The following ERICH6 variants were observed in gnomAD, a reference collection of about 807,000 sequenced individuals.
ERICH6 encodes glutamate-rich protein 6.
A neutral mutation model predicts 71.0 loss-of-function variants in ERICH6; 71 were observed. The ratio of observed to expected loss-of-function variants is 1.00; its 90% confidence interval spans 0.83 to 1.22. ERICH6 has a LOEUF of 1.22. ERICH6 is among the 50% of genes most tolerant of loss of function. The probability of loss-of-function intolerance (pLI) is 0.00; values close to 1 mark genes in which losing one functional copy is unlikely to be tolerated. For missense variants in ERICH6, 808 were observed against 797.2 expected (o/e 1.01, Z -0.16); for synonymous variants, 262 against 278.4 (o/e 0.94, Z 0.59).
chr3:150,693,628 T>A (rs1364051788), intron 3 of ERICH6, among the ~76,000 whole-genome samples: 2 of 152,188 alleles, frequency 1.3e-5, no homozygotes, highest in African/African-American at 4.8e-5. Flanking sequence ...ATAATTACTT[T>A]TTTTTTACTG....
At chr3:150,688,963 G>A (rs1239784673) in intron 3 of ERICH6, among the ~76,000 whole-genome samples, 4 of 152,186 alleles carry the variant, frequency 2.6e-5, no homozygotes, top group Non-Finnish European at 5.9e-5. Context: ...TAAATTAACC[G>A]AGGCCTGTCT....
chr3:150,684,396 C>T (rs74939298), intron 6 of ERICH6, among the ~76,000 whole-genome samples: 303 of 152,254 alleles, frequency 2.0e-3, no homozygotes, highest in Non-Finnish European at 3.4e-3. Context: ...TACAAAATAG[C>T]AATGAACACC....
rs1373195780 is a variant in ERICH6 at position 150,666,917 on chromosome 3, A to G, written c.1598T>C (p.Val533Ala). The G allele has an allele frequency of 1.2e-6, 2 of 1,614,166 alleles. No homozygotes were observed. The change falls in exon 13 of 14, where the codon GTT becomes GCT. Residue 533 changes from valine to alanine, a missense_variant. Coordinates refer to ENST00000295910, the MANE Select transcript of ERICH6 (RefSeq NM_152394.5). Reference sequence around the variant, plus strand: ...AGCCAGAAAGACAGGTTTAAATGAAACAAAGGGTGAGGAAGTGATGGAATT... The same window carrying G: ...AGCCAGAAAGACAGGTTTAAATGAAGCAAAGGGTGAGGAAGTGATGGAATT... Reference protein sequence around the residue: ...WSNSITSSPFVSFKPVFLALN... With the variant: ...WSNSITSSPFASFKPVFLALN...
At chr3:150,691,678 A>G (rs1209511946) in intron 3 of ERICH6, among the ~76,000 whole-genome samples, 2 of 152,056 alleles carry the variant, frequency 1.3e-5, no homozygotes, top group African/African-American at 4.8e-5. Flanking sequence ...TTGCCATATT[A>G]TTATTAAGTT....
At chr3:150,665,505 G>C (rs1421402702) in intron 13 of ERICH6, among the ~76,000 whole-genome samples, 6 of 70,956 alleles carry the variant, frequency 8.5e-5, no homozygotes, top group East Asian at 1.3e-3. Flanking sequence ...GACGGAGAGA[G>C]ACTCCATCTC....
chr3:150,673,167 G>A lies in ERICH6; in HGVS notation c.1343+789C>T, dbSNP rs191160858. Among the ~76,000 whole-genome samples, 27 of 123,678 alleles carry A rather than the reference G, an allele frequency of 2.2e-4. 1 individual carries two copies. In the East Asian group the frequency reaches 5.7e-3, roughly 26 times the overall value. 81.1% of individuals were successfully genotyped at this position (123,678 alleles called of 152,430 possible). On this transcript the variant is annotated intron_variant, in intron 11 of 13. Transcript: ENST00000295910. ...CTTCCTTCCTCCCTCCCTTCCATCC[G>A]TCTTTCTCTTTCTTCCTCTCTTTCC...
intron 13 of ERICH6, among the ~76,000 whole-genome samples, chr3:150,660,516 G>C (rs145061441): frequency 6.5e-4 from 99 of 152,256 alleles, no homozygotes; most frequent in Non-Finnish European, 1.1e-3. Flanking sequence ...GGTGCTCACT[G>C]GGAAGGCACT....
chr3:150,683,024 G>A (rs1712031183), intron 6 of ERICH6, among the ~76,000 whole-genome samples: 1 of 152,182 alleles, frequency 6.6e-6, no homozygotes, highest in Non-Finnish European at 1.5e-5. Context: ...GAGCAGCCAA[G>A]CCTCAGGACA....
At chr3:150,699,251 C>A (rs534173201) in intron 2 of ERICH6, among the ~76,000 whole-genome samples, 2 of 152,310 alleles carry the variant, frequency 1.3e-5, no homozygotes, top group African/African-American at 4.8e-5. Flanking sequence ...GTGGAGGCTG[C>A]AGTGAGCCGT....
chr3:150,667,153 C>G, intron 12 of ERICH6, 138 bp from the exon 13 acceptor site: 1 of 730,800 alleles, frequency 1.4e-6, no homozygotes, highest in Non-Finnish European at 2.3e-6. Flanking sequence ...TTCAGGTAAT[C>G]TTAGGAGTGA....
intron 10 of ERICH6, among the ~76,000 whole-genome samples, chr3:150,674,636 C>T (rs957059101): frequency 6.6e-6 from 1 of 152,156 alleles, no homozygotes; most frequent in Non-Finnish European, 1.5e-5. Context: ...AATACACACA[C>T]ATATGCAATC....
intron 10 of ERICH6, among the ~76,000 whole-genome samples, chr3:150,676,365 T>G (rs1376044489): frequency 6.6e-6 from 1 of 152,190 alleles, no homozygotes; most frequent in Non-Finnish European, 1.5e-5. Context: ...TCATATATCT[T>G]CAAGCTGATC....
intron 11 of ERICH6, among the ~76,000 whole-genome samples, chr3:150,670,768 T>G (rs987777273): frequency 6.6e-6 from 1 of 152,164 alleles, no homozygotes; most frequent in Non-Finnish European, 1.5e-5. Flanking sequence ...CTATTTTCAA[T>G]AGCATCAAAA....
In ERICH6 at chr3:150,680,836, T is replaced by C. The variant is rs1711893207; in HGVS notation, c.977A>G (p.Asp326Gly). 1 of 1,614,108 alleles carries C rather than the reference T, an allele frequency of 6.2e-7. No individual in the cohort carries two copies. The highest frequency in any genetic ancestry group is 8.5e-7 in the Non-Finnish European group (1 of 1,180,016). ...CTCACTACCATGGGCTGCATGAGGG[T>C]CAATAGCAATTAATTCAGCTTTAGG... ...KPPKAELIAIDPHAAHGSEVD... is the reference protein window; with the variant it reads ...KPPKAELIAIGPHAAHGSEVD... The change falls in exon 8 of 14, where the codon GAC becomes GGC. Residue 326 changes from aspartate to glycine, a missense_variant. This residue lies in a region of ERICH6 where 736 missense variants were observed against 712.2 expected (regional missense o/e 1.03). Coordinates refer to ENST00000295910, the MANE Select transcript of ERICH6 (RefSeq NM_152394.5).
chr3:150,668,913 T>C (rs998772517), intron 12 of ERICH6, among the ~76,000 whole-genome samples: 3 of 152,202 alleles, frequency 2.0e-5, no homozygotes, highest in Non-Finnish European at 4.4e-5. Context: ...CAACTGTCTA[T>C]TGACAAGTTG....
chr3:150,700,899 G>A (rs767135731), intron 2 of ERICH6, among the ~76,000 whole-genome samples: 6 of 152,140 alleles, frequency 3.9e-5, no homozygotes, highest in Non-Finnish European at 8.8e-5. Flanking sequence ...TACTTTTTAA[G>A]AGACAAGTTT....
Position 150,680,366 on chromosome 3 carries a change from C to T in ERICH6, c.1111+102G>A. On this transcript the variant is annotated intron_variant, in intron 9 of 13. Transcript: ENST00000295910. ...TACAGGCGTGAGCCACTGCACCTGGCCAATACTATTTTTTAAATACACCCA... is the reference window on the plus strand; with the variant it reads ...TACAGGCGTGAGCCACTGCACCTGGTCAATACTATTTTTTAAATACACCCA... 3 of 1,238,576 alleles carry T rather than the reference C, an allele frequency of 2.4e-6. No individual in the cohort carries two copies. The South Asian group carries it at 3.9e-5, about 16-fold the overall frequency. 76.7% of individuals were successfully genotyped at this position (1,238,576 alleles called of 1,614,324 possible). A position where few individuals can be genotyped will look rare whatever the true frequency, so the allele number is the denominator to read the frequency against.
chr3:150,690,767 A>T (rs1211513669), intron 3 of ERICH6, among the ~76,000 whole-genome samples: 2 of 152,232 alleles, frequency 1.3e-5, no homozygotes, highest in African/African-American at 4.8e-5. Flanking sequence ...ATATGATAAG[A>T]TGTCAAAATT....
intron 10 of ERICH6, 97 bp downstream of exon 10, chr3:150,678,294 CTTTTTGACAACTAGTTAA>C: frequency 9.9e-7 from 1 of 1,007,260 alleles, no homozygotes; most frequent in Non-Finnish European, 1.4e-6. Context: ...TGTACCAATT[CTTTTTGACAACTAGTTAA>C]ATGCATCATG....
Sources: allele counts gnomAD v4.1 joint callset (sites outside exome capture counted in the v4.1 genomes callset), GRCh38; gene constraint gnomAD v4.1.1; regional missense constraint gnomAD v4.1.1; transcripts MANE v1.5; gene names NCBI Gene and HGNC (gene_info 2026-07-23, HGNC 2026-07-21).